The following POGZ variants were observed in gnomAD, a reference collection of about 807,000 sequenced individuals.
The protein encoded by POGZ is pogo transposable element with ZNF domain.
POGZ carries 17 observed loss-of-function variants against 134.6 expected under a neutral mutation model. That is an observed-to-expected ratio of 0.13 (90% CI 0.09 to 0.19). The LOEUF (loss-of-function observed/expected upper bound fraction) is 0.19, where lower values mean the gene tolerates loss of function less well. POGZ is among the 10% of genes least tolerant of loss of function. The probability of loss-of-function intolerance (pLI) is 1.00; values close to 1 mark genes in which losing one functional copy is unlikely to be tolerated. For missense variants in POGZ, 1,306 were observed against 1,769.7 expected (o/e 0.74, Z 4.70); for synonymous variants, 693 against 657.1 (o/e 1.05, Z -0.84).
intron 2 of POGZ, 56 bp from the exon 3 acceptor site, chr1:151,441,142 A>C (rs1660465863): frequency 2.8e-6 from 4 of 1,417,368 alleles, no homozygotes; most frequent in Non-Finnish European, 3.9e-6. Flanking sequence ...ACACTAAAGG[A>C]TACTGCTCTA....
chr1:151,412,490 G>C, intron 10 of POGZ, 94 bp from the exon 11 acceptor site: 1 of 701,628 alleles, frequency 1.4e-6, no homozygotes. Context: ...CCTTTATTTT[G>C]ATTTTCAACA....
chr1:151,420,328 G>C (rs1656676279), intron 10 of POGZ, among the ~76,000 whole-genome samples: 1 of 152,100 alleles, frequency 6.6e-6, no homozygotes, highest in African/African-American at 2.4e-5. Flanking sequence ...TTGATTCTTT[G>C]TTTTTTGAGA....
rs1242256834 is a variant in POGZ, at chr1:151,423,498, A to G, written c.1577T>C (p.Val526Ala). The G allele has an allele frequency of 1.2e-6, 2 of 1,612,842 alleles. No individual in the cohort carries two copies. Among genetic ancestry groups the G allele is most frequent in the African/African-American group, 1.3e-5 (1 of 74,904 alleles). ...GTGCTGGCAGATAGTGTGACCATCT[A>G]CCTCACCGTTCTGCTGATCGAGTTC... ...HVELDQQNGE[V>A]DGHTICQHCY... Residue 526 changes from valine to alanine, a missense_variant, in exon 10 of 19, where the codon GTA becomes GCA. Val to Ala is a moderately conservative substitution (Grantham distance 64, BLOSUM62 0). This residue lies in a region of POGZ where 541 missense variants were observed against 680.5 expected (regional missense o/e 0.80). Transcript: ENST00000271715.
At chr1:151,438,564 A>T (rs190159292) in intron 3 of POGZ, among the ~76,000 whole-genome samples, 12 of 152,104 alleles carry the variant, frequency 7.9e-5, no homozygotes, top group African/African-American at 2.9e-4. Flanking sequence ...AGACTAGGTC[A>T]TCTCAGCATG....
Position 151,405,846 on chromosome 1 carries a change from C to T in POGZ, c.3189G>A (p.Gly1063=). Residue 1063 remains glycine, a synonymous_variant, in exon 19 of 19, where the codon GGG becomes GGA. Transcript: ENST00000271715. The surrounding 1 kb of genome is among the most constrained non-coding windows in gnomAD (Gnocchi z 4.9). ...KATKIGRSLE[G]GFKISYEWAV... is the part of the protein sequence containing the mutation. ...CCCACTCATAGGAGATCTTAAACCC[C>T]CCTTCCAAAGAACGTCCTATTTTGG... 1.2e-6 allele frequency: 2 copies of T among 1,614,130 alleles called. No homozygotes were observed. The highest frequency in any genetic ancestry group is 8.5e-7 in the Non-Finnish European group (1 of 1,180,038).
intron 10 of POGZ, among the ~76,000 whole-genome samples, chr1:151,422,458 A>T (rs1377355591): frequency 6.6e-6 from 1 of 152,214 alleles, no homozygotes; most frequent in East Asian, 1.9e-4. Flanking sequence ...GTACGCTCAT[A>T]AGCAAATGAC....
intron 3 of POGZ, among the ~76,000 whole-genome samples, chr1:151,435,603 C>T (rs1042128725): frequency 2.6e-5 from 4 of 151,902 alleles, no homozygotes; most frequent in Admixed American, 6.6e-5. Context: ...AGCGATTCTC[C>T]TGCCTCAGCC....
Position 151,406,145 on chromosome 1 carries a change from T to TACCACC in POGZ, c.2884_2889dup (p.Gly962_Gly963dup). On this transcript the variant is annotated inframe_insertion, in exon 19 of 19. Transcript: ENST00000271715. ...TGCTCCTTTTTGCCAACTCCACCAC[T>TACCACC]ACCACCACCACCTGATGCTAGCTCA... 3 of 1,614,186 alleles carry TACCACC rather than the reference T, an allele frequency of 1.9e-6. No individual in the cohort carries two copies. Among genetic ancestry groups the TACCACC allele is most frequent in the Non-Finnish European group, 1.7e-6 (2 of 1,180,008 alleles).
At chr1:151,425,406 TG>T (rs1386461171) in intron 7 of POGZ, 1 of 167,180 alleles carries the variant, frequency 6.0e-6, no homozygotes, top group African/African-American at 2.4e-5. Flanking sequence ...AGTTTCTGTT[TG>T]GCCCATAAGC....
intron 1 of POGZ, among the ~76,000 whole-genome samples, chr1:151,447,642 ATTTTTTTTTTTT>A (rs35308281): frequency 7.5e-5 from 4 of 52,986 alleles, no homozygotes; most frequent in South Asian, 8.1e-4. Flanking sequence ...TGTCTGGCTA[ATTTTTTTTTTTT>A]TTTTTTTTTT....
At chr1:151,427,764 A>G in intron 7 of POGZ, 59 bp downstream of exon 7, 3 of 1,105,626 alleles carry the variant, frequency 2.7e-6, no homozygotes, top group Non-Finnish European at 4.1e-6. Flanking sequence ...CTGATACAAC[A>G]AACACTTTAT....
In POGZ at chr1:151,459,316, A is replaced by G. The variant is rs1261216165; in HGVS notation, c.-166T>C. 6.8e-6 allele frequency: 1 copy of G among 147,786 alleles called. No homozygotes were observed. The highest frequency in any genetic ancestry group is 2.5e-5 in the African/African-American group (1 of 40,420). 9.2% of individuals were successfully genotyped at this position (147,786 alleles called of 1,614,324 possible). A position where few individuals can be genotyped will look rare whatever the true frequency, so the allele number is the denominator to read the frequency against. ...TTGAAAGCTCGTCTCCCCAAGGGTGAAAGGAAGCCTCCCTCGGGTTCGAGT... is the reference window on the plus strand; with the variant it reads ...TTGAAAGCTCGTCTCCCCAAGGGTGGAAGGAAGCCTCCCTCGGGTTCGAGT... On this transcript the variant is annotated 5_prime_UTR_variant, in exon 1 of 19. Coordinates refer to ENST00000271715, the MANE Select transcript of POGZ (RefSeq NM_015100.4).
At chr1:151,408,866 T>C in intron 12 of POGZ, 38 bp from the exon 13 acceptor site, 1 of 1,581,208 alleles carries the variant, frequency 6.3e-7, no homozygotes, top group Non-Finnish European at 8.6e-7. Flanking sequence ...CAAAATCCCT[T>C]AAAGGTTCCT....
chr1:151,440,240 C>T (rs16833248), intron 3 of POGZ, among the ~76,000 whole-genome samples: 12,053 of 149,048 alleles, frequency 0.081, 1,321 homozygotes, highest in East Asian at 0.45. Flanking sequence ...TTTTGTAGTA[C>T]TAAAGCTGTT....
Position 151,412,401 on chromosome 1 carries a change from A to T in POGZ, c.1679-5T>A. The T allele has an allele frequency of 6.6e-7, 1 of 1,513,410 alleles. No homozygotes were observed. Among genetic ancestry groups the T allele is most frequent in the Non-Finnish European group, 9.2e-7 (1 of 1,091,470 alleles). The allele number at this position is 1,513,410 out of a possible 1,614,324, so 93.7% of individuals were successfully genotyped here. On this transcript the variant is annotated splice_polypyrimidine_tract_variant and splice_region_variant and intron_variant, in intron 10 of 18. Coordinates refer to ENST00000271715, the MANE Select transcript of POGZ (RefSeq NM_015100.4). ...ATTCACAGATCTTGCACTTGGCTGT[A>T]AGAAGAAAAGTAATCAATAAATCCA... is the stretch of plus-strand genomic sequence containing the variant.
At chr1:151,442,277 C>T (rs966418099) in intron 1 of POGZ, 72 bp from the exon 2 acceptor site, 2 of 1,409,016 alleles carry the variant, frequency 1.4e-6, no homozygotes, top group Admixed American at 4.0e-5. Flanking sequence ...AATATGAAAT[C>T]AGAACTTTGA....
intron 9 of POGZ, 72 bp from the exon 10 acceptor site, chr1:151,423,623 A>G: frequency 1.6e-6 from 2 of 1,237,236 alleles, no homozygotes; most frequent in Non-Finnish European, 2.3e-6. Context: ...ATAATGGTAA[A>G]ATCACAGAAC....
intron 12 of POGZ, 151 bp from the exon 13 acceptor site, chr1:151,408,979 A>G (rs1654167716): frequency 4.3e-6 from 3 of 693,968 alleles, no homozygotes; most frequent in Non-Finnish European, 7.3e-6. Context: ...AATATGCAAC[A>G]TGACCACAAA....
In POGZ at chr1:151,408,281, T is replaced by C. The variant is rs376779896; in HGVS notation, c.2235-41A>G. The C allele has an allele frequency of 3.4e-5, 55 of 1,600,024 alleles. No homozygotes were observed. In the African/African-American group the frequency reaches 6.7e-4, roughly 19 times the overall value. On this transcript the variant is annotated intron_variant, in intron 14 of 18. Transcript: ENST00000271715. Reference sequence around the variant, plus strand: ...AAAAAGAATTCTCATTACTGCCTCATGGGTCCCCAAAATGTAGGATTTTCA... The same window carrying C: ...AAAAAGAATTCTCATTACTGCCTCACGGGTCCCCAAAATGTAGGATTTTCA...
Sources: gnomAD v4.1 joint callset for allele counts (sites outside exome capture counted in the v4.1 genomes callset) on GRCh38, gnomAD v4.1.1 for gene constraint, gnomAD v4.1.1 regional missense constraint, Gnocchi (gnomAD v3.1) non-coding constraint, MANE v1.5 for transcripts, NCBI Gene and HGNC (gene_info 2026-07-23, HGNC 2026-07-21) for gene names.